The following IDE variants were observed in gnomAD, a reference collection of about 807,000 sequenced individuals.
IDE encodes insulin-degrading enzyme.
In IDE, 58 loss-of-function variants were observed where a neutral mutation model predicts 133.2. The ratio of observed to expected loss-of-function variants is 0.44; its 90% CI spans 0.35 to 0.54. The LOEUF (loss-of-function observed/expected upper bound fraction) is 0.54. Among genes scored for constraint, IDE ranks in the 20% least tolerant of loss-of-function variants. IDE has a pLI of 0.00. For synonymous variants in IDE, 396 were observed against 421.3 expected (o/e 0.94, Z 0.73); for missense variants, 981 against 1,234.0 (o/e 0.79, Z 3.07).
rs778291532 is a variant in IDE, at chr10:92,487,286, A to G, written c.1566T>C (p.Phe522=). The G allele has an allele frequency of 3.0e-5, 49 of 1,612,200 alleles. 1 individual carries two copies. The highest frequency in any genetic ancestry group is 3.1e-5 in the Non-Finnish European group (36 of 1,179,126). Residue 522 remains phenylalanine, a synonymous_variant, in exon 13 of 25, where the codon TTT becomes TTC. Transcript: ENST00000265986. Reference sequence around the variant, plus strand: ...TAAATTCATTCTTTGTAGGAAGTTTAAATTTCCCATTCAGGTCAGCATTTT... The same window carrying G: ...TAAATTCATTCTTTGTAGGAAGTTTGAATTTCCCATTCAGGTCAGCATTTT... ...KWQNADLNGK[F]KLPTKNEFIP...
chr10:92,553,665 C>T lies in IDE; in HGVS notation c.99-16115G>A, dbSNP rs188218672. Among the ~76,000 whole-genome samples the T allele has an allele frequency of 5.9e-5, 9 of 152,078 alleles. No homozygotes were observed. In the East Asian group the frequency reaches 1.2e-3, roughly 20 times the overall value. ...GAAAAAGGAGACATTACAACTGATA[C>T]CGCAAAAATTCAAAAGATCATTAGT... On this transcript the variant is annotated intron_variant, in intron 1 of 24. Coordinates refer to ENST00000265986, the MANE Select transcript of IDE (RefSeq NM_004969.4).
intron 1 of IDE, among the ~76,000 whole-genome samples, chr10:92,541,059 C>A (rs1842281318): frequency 6.6e-6 from 1 of 152,052 alleles, no homozygotes; most frequent in South Asian, 2.1e-4. Flanking sequence ...ATTTATTCTA[C>A]AAGTCACACA....
chr10:92,510,789 ATGATATATAG>A (rs1424925804), intron 5 of IDE, among the ~76,000 whole-genome samples: 8 of 4,268 alleles, frequency 1.9e-3, no homozygotes, highest in Non-Finnish European at 3.2e-3. Context: ...TACATCTCAC[ATGATATATAG>A]CACATACATA....
rs57422406 is a variant in IDE at position 92,456,844 on chromosome 10, CAAAAAAAAAAA to C, written c.2824-424_2824-414del. The stretch of plus-strand genomic sequence containing the variant: ...TGGGTGACAGAGCAAGACTCTGTCT[CAAAAAAAAAAA>C]AAAAAAAAAAAAAAAAAAGAAAAAG... On this transcript the variant is annotated intron_variant, in intron 22 of 24. Coordinates refer to ENST00000265986, the MANE Select transcript of IDE (RefSeq NM_004969.4). Among the ~76,000 whole-genome samples the C allele has an allele frequency of 1.2e-3, 65 of 52,190 alleles. 1 individual carries two copies. Among genetic ancestry groups the C allele is most frequent in the African/African-American group, 3.6e-3 (55 of 15,470 alleles). 34.2% of individuals were successfully genotyped at this position (52,190 alleles called of 152,430 possible).
At chr10:92,454,859 T>A (rs982897714) in intron 24 of IDE, among the ~76,000 whole-genome samples, 2 of 152,022 alleles carry the variant, frequency 1.3e-5, no homozygotes, top group African/African-American at 4.8e-5. Context: ...TTCAGCAGAG[T>A]AGCAGAGGCT....
chr10:92,503,955 T>C (rs1220986374), intron 11 of IDE, among the ~76,000 whole-genome samples: 1 of 152,086 alleles, frequency 6.6e-6, no homozygotes, highest in African/African-American at 2.4e-5. Flanking sequence ...CGACCTCAGC[T>C]GATCCGCCCG....
At chr10:92,457,983 A>C (rs186068315) in intron 22 of IDE, among the ~76,000 whole-genome samples, 1 of 152,272 alleles carries the variant, frequency 6.6e-6, no homozygotes, top group East Asian at 1.9e-4. Flanking sequence ...ACTGGAGTAA[A>C]AAGTTTGCTT....
chr10:92,493,328 A>T (rs1368240265), intron 11 of IDE, among the ~76,000 whole-genome samples: 1 of 152,126 alleles, frequency 6.6e-6, no homozygotes, highest in East Asian at 1.9e-4. Context: ...CTTCTAAAAA[A>T]TATACTAAGT....
At chr10:92,476,983 G>A (rs2135400346) in intron 15 of IDE, among the ~76,000 whole-genome samples, 1 of 152,292 alleles carries the variant, frequency 6.6e-6, no homozygotes, top group East Asian at 1.9e-4. Flanking sequence ...TGATCCACCT[G>A]CCTCGGCCTC....
Position 92,490,555 on chromosome 10 carries a change from G to A in IDE, c.1471C>T (p.Arg491Cys), listed in dbSNP as rs1254959837. 17 of 1,612,788 alleles carry A rather than the reference G, an allele frequency of 1.1e-5. No homozygotes were observed. The highest frequency in any genetic ancestry group is 1.6e-4 in the Middle Eastern group (1 of 6,076). Reference sequence around the variant, plus strand: ...TGGGTTCCATACCACTCTTCTGTGCGATCAGTTTTTCCTTCAAAAGATTTA... The same window carrying A: ...TGGGTTCCATACCACTCTTCTGTGCAATCAGTTTTTCCTTCAAAAGATTTA... Reference protein sequence around the residue: ...VSKSFEGKTDRTEEWYGTQYK... With the variant: ...VSKSFEGKTDCTEEWYGTQYK... The change falls in exon 12 of 25, where the codon CGC becomes TGC. Residue 491 changes from arginine to cysteine, a missense_variant. By Grantham distance (180) the Arg-to-Cys change is radical. Transcript: ENST00000265986.
chr10:92,477,559 T>C (rs1413091915), intron 15 of IDE, among the ~76,000 whole-genome samples: 1 of 152,108 alleles, frequency 6.6e-6, no homozygotes, highest in Non-Finnish European at 1.5e-5. Flanking sequence ...CGCAAAGCAG[T>C]AGGGGATATC....
intron 11 of IDE, among the ~76,000 whole-genome samples, chr10:92,498,910 T>C (rs955280987): frequency 1.2e-4 from 19 of 152,112 alleles, no homozygotes; most frequent in African/African-American, 4.6e-4. Context: ...CTCATGTTGG[T>C]AAGAGGTTTT....
At chr10:92,535,480 A>C (rs1257391660) in intron 2 of IDE, among the ~76,000 whole-genome samples, 1 of 122,584 alleles carries the variant, frequency 8.2e-6, no homozygotes, top group Non-Finnish European at 1.8e-5. Context: ...TTTGGGGGTT[A>C]CCACTCTACT....
chr10:92,554,020 T>C (rs949198417), intron 1 of IDE, among the ~76,000 whole-genome samples: 1 of 151,158 alleles, frequency 6.6e-6, no homozygotes, highest in East Asian at 2.0e-4. Flanking sequence ...CAAAGACACA[T>C]CAAAAAAGGA....
intron 13 of IDE, among the ~76,000 whole-genome samples, chr10:92,485,484 C>A (rs1846934626): frequency 6.6e-6 from 1 of 152,168 alleles, no homozygotes. Flanking sequence ...CCATGGATAA[C>A]CAACATGGCC....
chr10:92,498,796 G>A (rs1259591442), intron 11 of IDE, among the ~76,000 whole-genome samples: 1 of 151,876 alleles, frequency 6.6e-6, no homozygotes, highest in Non-Finnish European at 1.5e-5. Context: ...ATGGTGGCGG[G>A]TGCATGTTAT....
At chr10:92,504,952 AT>A in intron 10 of IDE, 55 bp from the exon 11 acceptor site, 3 of 794,902 alleles carry the variant, frequency 3.8e-6, no homozygotes, top group South Asian at 3.4e-5. Flanking sequence ...TACATAGTTT[AT>A]TAAAGCAGAT....
chr10:92,567,092 C>T (rs897021306), intron 1 of IDE, among the ~76,000 whole-genome samples: 1 of 152,124 alleles, frequency 6.6e-6, no homozygotes, highest in Non-Finnish European at 1.5e-5. Flanking sequence ...ATTTAAGGAC[C>T]GCTCAGTCCT....
intron 7 of IDE, 103 bp from the exon 8 acceptor site, chr10:92,508,308 A>G (rs1458690817): frequency 2.3e-6 from 2 of 873,070 alleles, no homozygotes; most frequent in Non-Finnish European, 1.8e-6. Context: ...AAGATATCAG[A>G]ATGAACCTCT....
Sources: gnomAD v4.1 joint callset for allele counts (sites outside exome capture counted in the v4.1 genomes callset) on GRCh38, gnomAD v4.1.1 for gene constraint, MANE v1.5 for transcripts, NCBI Gene and HGNC (gene_info 2026-07-23, HGNC 2026-07-21) for gene names.